Variants in UBL3 observed in about 807,000 individuals in gnomAD.
The protein encoded by UBL3 is ubiquitin-like protein 3.
In UBL3, 6 loss-of-function variants were observed where a neutral mutation model predicts 18.4. The ratio of observed to expected loss-of-function variants is 0.33; its 90% CI spans 0.18 to 0.64. The LOEUF is 0.64. Ranked by LOEUF, UBL3 falls within the 30% of genes least tolerant of loss-of-function variation. The probability of loss-of-function intolerance (pLI) is 0.76; values close to 1 mark genes in which losing one functional copy is unlikely to be tolerated. For synonymous variants in UBL3, 49 were observed against 46.6 expected, an observed-to-expected ratio of 1.05 and a Z score of -0.21; for missense variants, 109 against 142.9, an observed-to-expected ratio of 0.76 and a Z score of 1.21.
chr13:29,792,946 AATCATT>A (rs1403518417), intron 1 of UBL3, among the ~76,000 whole-genome samples: 3 of 152,222 alleles, frequency 2.0e-5, no homozygotes. Context: ...TAATTAACAT[AATCATT>A]AAGTGCTATT....
At chr13:29,769,607 C>A (rs111472099) in intron 3 of UBL3, among the ~76,000 whole-genome samples, 12 of 151,980 alleles carry the variant, frequency 7.9e-5, no homozygotes, top group African/African-American at 2.9e-4. Flanking sequence ...GAGTCTCATG[C>A]CCACTATTTC....
chr13:29,781,741 T>C (rs997264824), intron 1 of UBL3, among the ~76,000 whole-genome samples: 1 of 150,692 alleles, frequency 6.6e-6, no homozygotes, highest in Non-Finnish European at 1.5e-5. Flanking sequence ...CTCAGCACTT[T>C]GGGAGACTGA....
Position 29,850,405 on chromosome 13 carries a change from G to A in UBL3, c.-867C>T, listed in dbSNP as rs1194986896. 3 of 153,240 alleles carry A rather than the reference G, an allele frequency of 2.0e-5. No homozygotes were observed. Among genetic ancestry groups the A allele is most frequent in the Non-Finnish European group, 4.4e-5 (3 of 68,314 alleles). 9.5% of individuals were successfully genotyped at this position (153,240 alleles called of 1,614,324 possible). On this transcript the variant is annotated 5_prime_UTR_variant, in exon 1 of 5. Coordinates refer to ENST00000380680, the MANE Select transcript of UBL3 (RefSeq NM_007106.4). ...GCCTTCCCTTCCCCTCCCCTCCCCG[G>A]CCTCGCGAGCTCCGGGCGACGCCGA...
At chr13:29,806,014 T>C (rs1031053918) in intron 1 of UBL3, among the ~76,000 whole-genome samples, 5 of 151,920 alleles carry the variant, frequency 3.3e-5, no homozygotes, top group Non-Finnish European at 5.9e-5. Flanking sequence ...CATTTCTAAT[T>C]AAAATACAAA....
rs908810700 is a variant in UBL3, at chr13:29,811,722, G to T, written c.28-34459C>A. Among the ~76,000 whole-genome samples the T allele has an allele frequency of 2.0e-5, 3 of 152,080 alleles. No homozygotes were observed. In the South Asian group the frequency reaches 6.2e-4, roughly 31 times the overall value. The stretch of plus-strand genomic sequence containing the variant: ...AATAATGAAAAATACCTGGCTGCTT[G>T]ATAACATCACTAAGCTGCTAGACTA... On this transcript the variant is annotated intron_variant, in intron 1 of 4. Transcript: ENST00000380680.
intron 1 of UBL3, among the ~76,000 whole-genome samples, chr13:29,792,581 T>C (rs1479413925): frequency 3.9e-5 from 6 of 152,196 alleles, no homozygotes; most frequent in Non-Finnish European, 8.8e-5. Flanking sequence ...GCTCAGACAA[T>C]TTGCATCAAC....
chr13:29,799,469 T>C (rs1474824620), intron 1 of UBL3, among the ~76,000 whole-genome samples: 2 of 152,234 alleles, frequency 1.3e-5, no homozygotes, highest in Admixed American at 6.5e-5. Context: ...GAAGATGTTA[T>C]ATGGTTAAGT....
At chr13:29,774,778 A>C (rs1030515750) in intron 2 of UBL3, among the ~76,000 whole-genome samples, 1 of 151,982 alleles carries the variant, frequency 6.6e-6, no homozygotes, top group Non-Finnish European at 1.5e-5. Flanking sequence ...TTTTTAATGA[A>C]AATCTGGAAA....
At chr13:29,821,061 G>A (rs1878421837) in intron 1 of UBL3, among the ~76,000 whole-genome samples, 1 of 152,094 alleles carries the variant, frequency 6.6e-6, no homozygotes, top group Non-Finnish European at 1.5e-5. Flanking sequence ...CTACCTAATA[G>A]CATTGTAGGG....
intron 1 of UBL3, among the ~76,000 whole-genome samples, chr13:29,815,656 G>A (rs1374269680): frequency 2.0e-5 from 3 of 152,088 alleles, no homozygotes; most frequent in Admixed American, 6.5e-5. Flanking sequence ...TGACATTTTA[G>A]GGAAATTCTC....
intron 1 of UBL3, among the ~76,000 whole-genome samples, chr13:29,780,770 C>T (rs1877133702): frequency 6.6e-6 from 1 of 152,246 alleles, no homozygotes; most frequent in East Asian, 1.9e-4. Context: ...GTTTTCCTGT[C>T]ATTCCATATA....
chr13:29,848,973 A>G (rs1454509725), intron 1 of UBL3, among the ~76,000 whole-genome samples: 3 of 152,218 alleles, frequency 2.0e-5, no homozygotes, highest in Non-Finnish European at 4.4e-5. Flanking sequence ...AAATATCTTT[A>G]TATTTCTGTT....
intron 1 of UBL3, among the ~76,000 whole-genome samples, chr13:29,837,248 T>G (rs778546348): frequency 2.0e-5 from 3 of 151,950 alleles, no homozygotes; most frequent in Non-Finnish European, 2.9e-5. Flanking sequence ...AGAAACAGGC[T>G]CACAGACAAT....
chr13:29,822,948 C>T (rs990701110), intron 1 of UBL3, among the ~76,000 whole-genome samples: 31 of 152,002 alleles, frequency 2.0e-4, no homozygotes, highest in African/African-American at 7.0e-4. Context: ...CACATCACAT[C>T]ACACATAAAA....
chr13:29,849,854 T>C lies in UBL3; in HGVS notation c.-316A>G, dbSNP rs954185257. 3 of 520,974 alleles carry C rather than the reference T, an allele frequency of 5.8e-6. No individual in the cohort carries two copies. Among genetic ancestry groups the C allele is most frequent in the Non-Finnish European group, 1.0e-5 (3 of 289,092 alleles). 32.3% of individuals were successfully genotyped at this position (520,974 alleles called of 1,614,324 possible). On this transcript the variant is annotated 5_prime_UTR_variant, in exon 1 of 5. Coordinates refer to ENST00000380680, the MANE Select transcript of UBL3 (RefSeq NM_007106.4). ...GCCGCGCCAGGTGGACCGAGCCGAG[T>C]GACACACGGACATGGAGAGGGGTGG...
chr13:29,781,018 A>T (rs1311739727), intron 1 of UBL3, among the ~76,000 whole-genome samples: 1 of 152,180 alleles, frequency 6.6e-6, no homozygotes, highest in Non-Finnish European at 1.5e-5. Flanking sequence ...TAATAAAAAT[A>T]CAAAATATTA....
At chr13:29,789,098 C>A (rs1051546332) in intron 1 of UBL3, among the ~76,000 whole-genome samples, 13 of 152,058 alleles carry the variant, frequency 8.5e-5, no homozygotes, top group Admixed American at 2.6e-4. Context: ...GGGATTTCAC[C>A]ATGTTGGTCA....
intron 1 of UBL3, among the ~76,000 whole-genome samples, chr13:29,794,335 G>T (rs1392348385): frequency 6.8e-6 from 1 of 147,636 alleles, no homozygotes; most frequent in Admixed American, 6.9e-5. Flanking sequence ...TAATAAGAGG[G>T]AATCTTTACT....
intron 1 of UBL3, among the ~76,000 whole-genome samples, chr13:29,788,477 T>A: frequency 6.6e-6 from 1 of 152,096 alleles, no homozygotes. Context: ...GAACCTGGGT[T>A]TTCTTCTTCC....
Sources: allele counts gnomAD v4.1 joint callset (sites outside exome capture counted in the v4.1 genomes callset), GRCh38; gene constraint gnomAD v4.1.1; transcripts MANE v1.5; gene names NCBI Gene and HGNC (gene_info 2026-07-23, HGNC 2026-07-21).